Variants in TRAPPC9 observed in about 807,000 individuals in gnomAD.
TRAPPC9 encodes the protein IKK2 binding protein.
Under a neutral mutation model 124.0 loss-of-function variants are expected in TRAPPC9, and 83 were observed. That is an observed-to-expected ratio of 0.67 (90% CI 0.56 to 0.80). The LOEUF is 0.80. TRAPPC9 is among the 30% of genes least tolerant of loss of function. The pLI, the probability that TRAPPC9 is intolerant of heterozygous loss-of-function variation, is 0.00. For synonymous variants in TRAPPC9, 638 were observed against 617.5 expected (o/e 1.03, Z -0.49); for missense variants, 1,302 against 1,508.3 (o/e 0.86, Z 2.27).
intron 19 of TRAPPC9, among the ~76,000 whole-genome samples, chr8:139,969,468 T>C (rs2614728): frequency 0.34 from 52,177 of 152,204 alleles, 10,781 homozygotes; most frequent in Non-Finnish European, 0.46. Flanking sequence ...GAGGGTCTCA[T>C]GGCCTAGGTT....
chr8:140,270,273 AG>A (rs1457355830), intron 15 of TRAPPC9, among the ~76,000 whole-genome samples: 1 of 152,136 alleles, frequency 6.6e-6, no homozygotes, highest in Non-Finnish European at 1.5e-5. Context: ...AGGCGTGGAG[AG>A]GGGAGCATCT....
At chr8:140,041,508 ACAGCCAACAGAC>A (rs1346555047) in intron 17 of TRAPPC9, among the ~76,000 whole-genome samples, 1 of 152,250 alleles carries the variant, frequency 6.6e-6, no homozygotes, top group Admixed American at 6.5e-5. Context: ...CCAAGGTCCA[ACAGCCAACAGAC>A]CATGGCCCTG....
intron 22 of TRAPPC9, 46 bp from the exon 23 acceptor site, chr8:139,731,274 G>C (rs778435930): frequency 6.3e-7 from 1 of 1,598,916 alleles, no homozygotes; most frequent in Non-Finnish European, 8.5e-7. Flanking sequence ...AGCAGCAGGG[G>C]CCACCCAAAG....
rs190912948 is a variant in TRAPPC9 at position 139,869,652 on chromosome 8, T to C, written c.3055+16227A>G. ...AACATAACTTGTTTAAAAATGTCCA[T>C]GGCATAGTTACAAAAATCTTAGCAC... On this transcript the variant is annotated intron_variant, in intron 21 of 22. Coordinates refer to ENST00000438773, the MANE Select transcript of TRAPPC9 (RefSeq NM_001160372.4). Among the ~76,000 whole-genome samples the C allele has an allele frequency of 9.2e-4, 140 of 152,352 alleles. 1 individual carries two copies. The highest frequency in any genetic ancestry group is 3.2e-3 in the African/African-American group (132 of 41,580).
intron 21 of TRAPPC9, among the ~76,000 whole-genome samples, chr8:139,875,387 A>G (rs1231895418): frequency 6.6e-6 from 1 of 152,168 alleles, no homozygotes; most frequent in Non-Finnish European, 1.5e-5. Flanking sequence ...ATGTCCACAG[A>G]TGGAACACTG....
At chr8:140,398,914 G>A (rs1012931635) in intron 6 of TRAPPC9, among the ~76,000 whole-genome samples, 5 of 152,252 alleles carry the variant, frequency 3.3e-5, no homozygotes, top group African/African-American at 1.2e-4. Flanking sequence ...GGAGGAAAAA[G>A]TGGTTTCGTG....
At chr8:139,909,096 A>G (rs1484656508) in intron 20 of TRAPPC9, among the ~76,000 whole-genome samples, 1 of 152,176 alleles carries the variant, frequency 6.6e-6, no homozygotes, top group Non-Finnish European at 1.5e-5. Context: ...TATGCTGTGT[A>G]GAGCGAGGAC....
intron 7 of TRAPPC9, among the ~76,000 whole-genome samples, chr8:140,384,471 C>T (rs1465624491): frequency 1.3e-5 from 2 of 151,882 alleles, no homozygotes; most frequent in African/African-American, 4.8e-5. Flanking sequence ...GGAGGATCTA[C>T]CAAGGAAATG....
At chr8:140,214,392 T>G (rs139477943) in intron 17 of TRAPPC9, among the ~76,000 whole-genome samples, 9 of 152,312 alleles carry the variant, frequency 5.9e-5, no homozygotes, top group Non-Finnish European at 1.3e-4. Context: ...ATCTACCTGT[T>G]CCAGAGGCCC....
At chr8:140,017,880 G>C (rs1291123811) in intron 18 of TRAPPC9, among the ~76,000 whole-genome samples, 4 of 151,980 alleles carry the variant, frequency 2.6e-5, no homozygotes, top group Admixed American at 2.6e-4. Flanking sequence ...GTCTCGTTCT[G>C]TTGCCCAGGC....
intron 5 of TRAPPC9, among the ~76,000 whole-genome samples, chr8:140,425,138 T>A (rs545307073): frequency 6.6e-6 from 1 of 152,292 alleles, no homozygotes; most frequent in East Asian, 1.9e-4. Context: ...AAGACAGATA[T>A]GATTTCAGTA....
chr8:139,730,708 G>T lies in TRAPPC9; in HGVS notation c.*353C>A. The T allele has an allele frequency of 3.2e-6, 1 of 308,594 alleles. No homozygotes were observed. Among genetic ancestry groups the T allele is most frequent in the Non-Finnish European group, 6.1e-6 (1 of 163,238 alleles). The allele number at this position is 308,594 out of a possible 1,614,324, so 19.1% of individuals were successfully genotyped here. A position where few individuals can be genotyped will look rare whatever the true frequency, so the allele number is the denominator to read the frequency against. ...GTCGCTGGACGAGGGAGGTCCCTCT[G>T]CTGGGATGAGCAGCACAGCACGGCT... On this transcript the variant is annotated 3_prime_UTR_variant, in exon 23 of 23. Coordinates refer to ENST00000438773, the MANE Select transcript of TRAPPC9 (RefSeq NM_001160372.4).
At chr8:139,800,005 G>A (rs1439043102) in intron 21 of TRAPPC9, among the ~76,000 whole-genome samples, 1 of 152,248 alleles carries the variant, frequency 6.6e-6, no homozygotes, top group Non-Finnish European at 1.5e-5. Context: ...GGCAGGACTA[G>A]CTCCAGAGGC....
At chr8:140,091,977 C>T (rs1449440553) in intron 17 of TRAPPC9, among the ~76,000 whole-genome samples, 2 of 151,552 alleles carry the variant, frequency 1.3e-5, no homozygotes, top group East Asian at 3.9e-4. Flanking sequence ...AGCCGCAGAA[C>T]GCTGACCACC....
intron 18 of TRAPPC9, among the ~76,000 whole-genome samples, chr8:140,010,278 T>A (rs1349648043): frequency 1.3e-5 from 2 of 152,202 alleles, no homozygotes; most frequent in East Asian, 1.9e-4. Flanking sequence ...ATAATCTCAA[T>A]GTAAAATTAC....
At chr8:140,141,837 G>A (rs1245539271) in intron 17 of TRAPPC9, among the ~76,000 whole-genome samples, 1 of 152,206 alleles carries the variant, frequency 6.6e-6, no homozygotes, top group African/African-American at 2.4e-5. Flanking sequence ...TTAAGGGCAG[G>A]GGGAACCTTG....
chr8:140,130,157 C>G (rs1273497090), intron 17 of TRAPPC9, among the ~76,000 whole-genome samples: 3 of 152,176 alleles, frequency 2.0e-5, no homozygotes, highest in African/African-American at 7.2e-5. Context: ...AAATAAAGAA[C>G]TGGAGTGGAT....
chr8:139,905,090 G>T (rs28670880), intron 20 of TRAPPC9, among the ~76,000 whole-genome samples: 6,050 of 152,242 alleles, frequency 0.04, 383 homozygotes, highest in African/African-American at 0.14. Flanking sequence ...AAGGTAGGTA[G>T]GTTTTATCCA....
intron 20 of TRAPPC9, among the ~76,000 whole-genome samples, chr8:139,886,761 C>G (rs1830041034): frequency 6.6e-6 from 1 of 152,220 alleles, no homozygotes; most frequent in Non-Finnish European, 1.5e-5. Context: ...ACACCATGCA[C>G]AGCAGGTGGT....
Sources: allele counts gnomAD v4.1 joint callset (sites outside exome capture counted in the v4.1 genomes callset), GRCh38; gene constraint gnomAD v4.1.1; transcripts MANE v1.5; gene names NCBI Gene and HGNC (gene_info 2026-07-23, HGNC 2026-07-21).